The following LINGO2 variants were observed in gnomAD, a reference collection of about 807,000 sequenced individuals.
The protein encoded by LINGO2 is leucine-rich repeat and immunoglobulin-like domain-containing nogo receptor-interacting protein 2.
LINGO2 carries 14 observed loss-of-function variants against 30.6 expected under a neutral mutation model. That is an observed-to-expected ratio of 0.46 (90% CI 0.30 to 0.72). The LOEUF (loss-of-function observed/expected upper bound fraction) is 0.72, where lower values mean the gene tolerates loss of function less well. LINGO2 is among the 30% of genes least tolerant of loss of function. The pLI, the probability that LINGO2 is intolerant of heterozygous loss-of-function variation, is 0.07. For missense variants in LINGO2, 729 were observed against 751.7 expected (o/e 0.97, Z 0.35); for synonymous variants, 317 against 288.5 (o/e 1.10, Z -1.00).
the LINGO2 span, among the ~76,000 whole-genome samples, chr9:28,994,484 C>T: frequency 6.6e-6 from 1 of 151,116 alleles, no homozygotes; most frequent in African/African-American, 2.4e-5. Context: ...CATCAAGCTA[C>T]CAATGACTTT....
At chr9:28,022,110 A>G (rs1823156138) in intron 4 of LINGO2, among the ~76,000 whole-genome samples, 1 of 152,044 alleles carries the variant, frequency 6.6e-6, no homozygotes, top group East Asian at 1.9e-4. Context: ...CTTTTGGAAT[A>G]TCAGTTATAC....
the LINGO2 span, among the ~76,000 whole-genome samples, chr9:28,883,628 G>GTGTATGTATATATA: frequency 2.5e-4 from 16 of 64,176 alleles, 1 homozygote; most frequent in African/African-American, 7.0e-4. Context: ...ATGTGTGTGT[G>GTGTATGTATATATA]TATATATATA....
chr9:29,182,144 T>C, the LINGO2 span, among the ~76,000 whole-genome samples: 637 of 152,312 alleles, frequency 4.2e-3, 7 homozygotes, highest in African/African-American at 0.014. Context: ...GCTTTCATTT[T>C]ATAAAACACC....
In LINGO2 at chr9:28,214,096, T is replaced by A. The variant is rs140192087; in HGVS notation, c.-87+81112A>T. On this transcript the variant is annotated intron_variant, in intron 4 of 5. Coordinates refer to ENST00000379992, the Ensembl canonical transcript of LINGO2. ...AACTTTGAAGTATTAGATAGGAGGA[T>A]ACAATTTTAATATTGGAGTAGAGAG... 9.5e-4 allele frequency among the ~76,000 whole-genome samples: 144 copies of A among 151,704 alleles called. 2 individuals are homozygous for A. The highest frequency in any genetic ancestry group is 7.1e-3 in the East Asian group (37 of 5,180).
At chr9:28,977,934 A>T in the LINGO2 span, among the ~76,000 whole-genome samples, 2 of 152,202 alleles carry the variant, frequency 1.3e-5, no homozygotes, top group African/African-American at 4.8e-5. Flanking sequence ...GATCTATAAA[A>T]ACTTGGAGAG....
the LINGO2 span, among the ~76,000 whole-genome samples, chr9:28,705,350 C>A: frequency 1.6e-3 from 249 of 152,198 alleles, 1 homozygote; most frequent in African/African-American, 5.9e-3. Flanking sequence ...ATTCTATAAT[C>A]TCTGTCTTTT....
At chr9:28,668,504 C>G (rs182265690) in intron 1 of LINGO2, among the ~76,000 whole-genome samples, 2 of 151,514 alleles carry the variant, frequency 1.3e-5, no homozygotes, top group African/African-American at 4.8e-5. Flanking sequence ...TAAATAACTT[C>G]TAATAATTTC....
chr9:28,579,764 A>T (rs943384660), intron 1 of LINGO2, among the ~76,000 whole-genome samples: 1 of 152,036 alleles, frequency 6.6e-6, no homozygotes, highest in African/African-American at 2.4e-5. Flanking sequence ...AATTATTTGG[A>T]TTCCCTAATA....
chr9:28,307,314 A>G (rs1587434443), intron 3 of LINGO2, among the ~76,000 whole-genome samples: 1 of 152,298 alleles, frequency 6.6e-6, no homozygotes, highest in East Asian at 1.9e-4. Context: ...CATAAACAGA[A>G]CCAAAGACAA....
chr9:28,790,507 T>TC, the LINGO2 span, among the ~76,000 whole-genome samples: 29 of 150,842 alleles, frequency 1.9e-4, no homozygotes, highest in African/African-American at 6.1e-4. Flanking sequence ...TTTTTGTATT[T>TC]TTTTTTTTAG....
chr9:28,252,141 T>G (rs1822223210), intron 4 of LINGO2, among the ~76,000 whole-genome samples: 1 of 152,220 alleles, frequency 6.6e-6, no homozygotes, highest in Non-Finnish European at 1.5e-5. Context: ...ATAAAATATA[T>G]TTTTATGTTA....
chr9:28,027,085 C>T (rs1358880963), intron 4 of LINGO2, among the ~76,000 whole-genome samples: 1 of 152,168 alleles, frequency 6.6e-6, no homozygotes, highest in East Asian at 1.9e-4. Context: ...GTTGTTGCAT[C>T]ATAATACATT....
At chr9:29,018,643 C>T in the LINGO2 span, among the ~76,000 whole-genome samples, 1 of 151,932 alleles carries the variant, frequency 6.6e-6, no homozygotes. Context: ...ACTAGAAGTC[C>T]CAAAGCTATT....
chr9:28,631,721 C>T (rs548611101), intron 1 of LINGO2, among the ~76,000 whole-genome samples: 2 of 152,096 alleles, frequency 1.3e-5, no homozygotes, highest in South Asian at 2.1e-4. Flanking sequence ...CCCCAAGTGC[C>T]GCCTTATACC....
At chr9:28,248,711 C>T (rs188107965) in intron 4 of LINGO2, among the ~76,000 whole-genome samples, 2 of 152,274 alleles carry the variant, frequency 1.3e-5, no homozygotes, top group Admixed American at 6.5e-5. Flanking sequence ...GCCTGTACCA[C>T]AGTATCTCAT....
At chr9:28,008,778 G>A (rs1007400968) in intron 5 of LINGO2, among the ~76,000 whole-genome samples, 2 of 152,114 alleles carry the variant, frequency 1.3e-5, no homozygotes, top group African/African-American at 2.4e-5. Flanking sequence ...TAAGCATATG[G>A]AAATATACCA....
chr9:29,127,123 C>A, the LINGO2 span, among the ~76,000 whole-genome samples: 7 of 152,052 alleles, frequency 4.6e-5, no homozygotes, highest in African/African-American at 1.4e-4. Context: ...ACCAAGTAAC[C>A]AACGGGAAAC....
intron 2 of LINGO2, among the ~76,000 whole-genome samples, chr9:28,407,198 A>G (rs1331373117): frequency 6.6e-6 from 1 of 152,052 alleles, no homozygotes; most frequent in Non-Finnish European, 1.5e-5. Context: ...GAAGAAAAGA[A>G]AGAAAATAAT....
chr9:28,569,984 G>T (rs893668472), intron 1 of LINGO2, among the ~76,000 whole-genome samples: 2 of 151,972 alleles, frequency 1.3e-5, no homozygotes, highest in East Asian at 3.9e-4. Flanking sequence ...TTGAAGTAGT[G>T]ATCAACATTT....
Sources: gnomAD v4.1 joint callset for allele counts (sites outside exome capture counted in the v4.1 genomes callset) on GRCh38, gnomAD v4.1.1 for gene constraint, MANE v1.5 for transcripts, NCBI Gene and HGNC (gene_info 2026-07-23, HGNC 2026-07-21) for gene names.